Variants in PTPN3 observed in about 807,000 individuals in gnomAD.
The protein encoded by PTPN3 is tyrosine-protein phosphatase non-receptor type 3.
A neutral mutation model predicts 132.7 loss-of-function variants in PTPN3; 96 were observed. That is an observed-to-expected ratio of 0.72 (90% confidence interval 0.61 to 0.86). The LOEUF (loss-of-function observed/expected upper bound fraction) is 0.86, where lower values mean the gene tolerates loss of function less well. PTPN3 is among the 40% of genes least tolerant of loss of function. The pLI is 0.00. For synonymous variants in PTPN3, 398 were observed against 429.0 expected (o/e 0.93, Z 0.89); for missense variants, 1,125 against 1,159.6 (o/e 0.97, Z 0.43).
At chr9:109,396,461 C>T (rs760095736) in intron 19 of PTPN3, among the ~76,000 whole-genome samples, 1 of 152,126 alleles carries the variant, frequency 6.6e-6, no homozygotes, top group Non-Finnish European at 1.5e-5. Context: ...AGGGAGACAA[C>T]AGCTCCTGGC....
chr9:109,523,135 G>C, the PTPN3 span, among the ~76,000 whole-genome samples: 1 of 145,554 alleles, frequency 6.9e-6, no homozygotes, highest in Admixed American at 6.9e-5. Context: ...TTTTTTTAAT[G>C]AGATGGAGTC....
At chr9:109,412,651 G>A (rs1169136264) in intron 14 of PTPN3, among the ~76,000 whole-genome samples, 1 of 152,090 alleles carries the variant, frequency 6.6e-6, no homozygotes, top group Non-Finnish European at 1.5e-5. Context: ...GGGATTACAG[G>A]TGTGAGCCAC....
At chr9:109,420,322 G>T in intron 14 of PTPN3, 102 bp downstream of exon 14, 3 of 1,214,168 alleles carry the variant, frequency 2.5e-6, no homozygotes, top group Non-Finnish European at 3.4e-6. Context: ...CTGGCTGCAG[G>T]CACCAGCTCT....
intron 22 of PTPN3, among the ~76,000 whole-genome samples, chr9:109,385,845 C>G (rs531762118): frequency 6.6e-6 from 1 of 152,260 alleles, no homozygotes; most frequent in South Asian, 2.1e-4. Context: ...GATTCACAAG[C>G]CTGAGTGGGG....
intron 22 of PTPN3, 53 bp downstream of exon 22, chr9:109,389,180 A>C: frequency 6.3e-7 from 1 of 1,595,668 alleles, no homozygotes; most frequent in Non-Finnish European, 8.5e-7. Flanking sequence ...TTCATGTTAC[A>C]CAGAGTAGGG....
chr9:109,420,581 G>A lies in PTPN3; in HGVS notation c.1156C>T (p.His386Tyr), dbSNP rs1588389319. 6.2e-7 allele frequency: 1 copy of A among 1,610,628 alleles called. No homozygotes were observed. Among genetic ancestry groups the A allele is most frequent in the Non-Finnish European group, 8.5e-7 (1 of 1,178,478 alleles). The change falls in exon 14 of 26, where the codon CAC (histidine) becomes TAC (tyrosine). Residue 386 changes from histidine to tyrosine, a missense_variant. His to Tyr is a moderately conservative substitution (Grantham distance 83). Transcript: ENST00000374541. ...GAGTGGCGTGGCTTTCGGATTTCGT[G>A]CCGGAGCCGAGGACTTCGCCTGGGT... is the stretch of plus-strand genomic sequence containing the variant. The part of the protein sequence containing the change: ...TPNWRSPRLR[H>Y]EIRKPRHSSA...
chr9:109,447,957 T>C (rs1334975308), intron 6 of PTPN3, among the ~76,000 whole-genome samples: 4 of 152,038 alleles, frequency 2.6e-5, no homozygotes, highest in African/African-American at 9.7e-5. Flanking sequence ...TGGGGTGTCT[T>C]CTCACTGCCC....
At chr9:109,524,671 G>T in the PTPN3 span, among the ~76,000 whole-genome samples, 1 of 152,210 alleles carries the variant, frequency 6.6e-6, no homozygotes, top group Non-Finnish European at 1.5e-5. Context: ...AAGACTGATA[G>T]GATCGTTATG....
At chr9:109,461,510 C>G (rs1845842707) in intron 2 of PTPN3, among the ~76,000 whole-genome samples, 1 of 152,160 alleles carries the variant, frequency 6.6e-6, no homozygotes, top group African/African-American at 2.4e-5. Context: ...AATTCCAGCA[C>G]TTCAGGAAGC....
intron 7 of PTPN3, among the ~76,000 whole-genome samples, chr9:109,442,986 C>G (rs1216061391): frequency 6.6e-6 from 1 of 152,040 alleles, no homozygotes; most frequent in East Asian, 1.9e-4. Context: ...ATATTGAGAG[C>G]TGTCTTAAAT....
chr9:109,451,020 GT>G (rs1845204566), intron 5 of PTPN3: 1 of 968,326 alleles, frequency 1.0e-6, no homozygotes, highest in Non-Finnish European at 1.2e-6. Flanking sequence ...AATCTTTTAA[GT>G]TTTTTTATTT....
intron 1 of PTPN3, among the ~76,000 whole-genome samples, chr9:109,468,349 TAC>T (rs1468913013): frequency 6.6e-6 from 1 of 152,090 alleles, no homozygotes; most frequent in African/African-American, 2.4e-5. Context: ...CTATTGTGGA[TAC>T]AGTTTTTTTT....
intron 19 of PTPN3, among the ~76,000 whole-genome samples, chr9:109,399,702 A>G: frequency 6.6e-6 from 1 of 150,930 alleles, no homozygotes; most frequent in East Asian, 1.9e-4. Flanking sequence ...GATAGAAACC[A>G]GCTCTCGCAG....
At chr9:109,519,326 C>T in the PTPN3 span, among the ~76,000 whole-genome samples, 1 of 152,160 alleles carries the variant, frequency 6.6e-6, no homozygotes, top group African/African-American at 2.4e-5. Flanking sequence ...ATGATTTTGC[C>T]CAACCGTAGG....
chr9:109,391,870 T>TGGG (rs367927103), intron 19 of PTPN3, among the ~76,000 whole-genome samples: 52 of 29,424 alleles, frequency 1.8e-3, no homozygotes, highest in African/African-American at 3.2e-3. Context: ...CAACTAGATG[T>TGGG]GGGGGGGGGG....
chr9:109,504,873 A>G, the PTPN3 span, among the ~76,000 whole-genome samples: 1 of 152,232 alleles, frequency 6.6e-6, no homozygotes, highest in East Asian at 1.9e-4. Context: ...GCTGACCGAA[A>G]CAATCGCCTT....
upstream of PTPN3, among the ~76,000 whole-genome samples, chr9:109,499,951 G>T (rs1296561071): frequency 6.6e-6 from 1 of 152,204 alleles, no homozygotes; most frequent in African/African-American, 2.4e-5. Flanking sequence ...GGCATGCTCG[G>T]AGCCGGGCGG....
At chr9:109,527,624 T>C in the PTPN3 span, among the ~76,000 whole-genome samples, 1 of 152,230 alleles carries the variant, frequency 6.6e-6, no homozygotes, top group South Asian at 2.1e-4. Context: ...AATTGTAATG[T>C]TCCCAACTGG....
chr9:109,389,521 C>T (rs937944349), intron 21 of PTPN3, 142 bp from the exon 22 acceptor site: 7 of 860,372 alleles, frequency 8.1e-6, no homozygotes, highest in Middle Eastern at 3.6e-4. Flanking sequence ...TAAGGAAAAT[C>T]AAACAAGTTA....
Sources: allele counts gnomAD v4.1 joint callset (sites outside exome capture counted in the v4.1 genomes callset), GRCh38; gene constraint gnomAD v4.1.1; transcripts MANE v1.5; gene names NCBI Gene and HGNC (gene_info 2026-07-23, HGNC 2026-07-21).